Variants in CCDC32 observed in about 807,000 individuals in gnomAD.
The protein encoded by CCDC32 is coiled-coil domain-containing protein 32.
Under a neutral mutation model 20.1 loss-of-function variants are expected in CCDC32, and 9 were observed. That is an observed-to-expected ratio of 0.45 (90% CI 0.27 to 0.78). The LOEUF is 0.78. Among genes scored for constraint, CCDC32 ranks in the 30% least tolerant of loss-of-function variants. The probability of loss-of-function intolerance (pLI) is 0.16; values close to 1 mark genes in which losing one functional copy is unlikely to be tolerated. For synonymous variants in CCDC32, 63 were observed against 79.0 expected (o/e 0.80, Z 1.07); for missense variants, 204 against 215.5 (o/e 0.95, Z 0.33).
chr15:40,541,187 C>T (rs1297158313), intron 3 of CCDC32, among the ~76,000 whole-genome samples: 1 of 152,218 alleles, frequency 6.6e-6, no homozygotes, highest in Non-Finnish European at 1.5e-5. Flanking sequence ...CTGCGTGAGG[C>T]TTTTCTTAGC....
At chr15:40,551,306 C>T (rs867755468), downstream of CCDC32, among the ~76,000 whole-genome samples, 23 of 152,022 alleles carry the variant, frequency 1.5e-4, no homozygotes, top group South Asian at 1.0e-3. Context: ...GGTGTGAACC[C>T]GGGAGGCAGA....
At chr15:40,539,195 C>T (rs1263177064), downstream of CCDC32, 5 of 1,496,312 alleles carry the variant, frequency 3.3e-6, no homozygotes, top group Non-Finnish European at 4.5e-6. Context: ...AGGTCAATCC[C>T]ACATGGTTCT....
the CCDC32 span, among the ~76,000 whole-genome samples, chr15:40,522,193 A>G: frequency 8.5e-5 from 13 of 152,218 alleles, no homozygotes; most frequent in Non-Finnish European, 1.9e-4. Flanking sequence ...AGTTGTCCCA[A>G]CACCATTTGT....
At chr15:40,536,706 A>AG (rs1429725853), downstream of CCDC32, 4 of 152,304 alleles carry the variant, frequency 2.6e-5, no homozygotes, top group Non-Finnish European at 5.9e-5. Flanking sequence ...TCTCTTGGCA[A>AG]GGGCCCACTG....
intron 2 of CCDC32, among the ~76,000 whole-genome samples, chr15:40,558,864 A>G (rs191686072): frequency 6.6e-6 from 1 of 151,566 alleles, no homozygotes; most frequent in East Asian, 1.9e-4. Flanking sequence ...CAGTGGCACG[A>G]TCTCACTCAG....
At chr15:40,558,754 A>G (rs1890419166) in intron 2 of CCDC32, among the ~76,000 whole-genome samples, 1 of 152,136 alleles carries the variant, frequency 6.6e-6, no homozygotes, top group African/African-American at 2.4e-5. Flanking sequence ...TTTCCAAGCC[A>G]GTCTTCACTA....
intron 3 of CCDC32, among the ~76,000 whole-genome samples, chr15:40,555,137 A>T (rs781558910): frequency 2.6e-5 from 4 of 152,238 alleles, no homozygotes; most frequent in African/African-American, 7.2e-5. Context: ...CTGGATAATG[A>T]TAGAAAGAAA....
chr15:40,557,665 C>T (rs917688626), intron 2 of CCDC32: 9 of 262,768 alleles, frequency 3.4e-5, no homozygotes, highest in African/African-American at 1.3e-4. Context: ...ATCACGTAAG[C>T]CCAGCAGGTA....
At chr15:40,560,717 CAATA>C (rs1288771739) in intron 2 of CCDC32, among the ~76,000 whole-genome samples, 6 of 152,202 alleles carry the variant, frequency 3.9e-5, no homozygotes, top group African/African-American at 1.2e-4. Context: ...AGTCAAAAGA[CAATA>C]GATGTTGGCA....
chr15:40,547,188 A>G (rs1203081540), intron 3 of CCDC32, among the ~76,000 whole-genome samples: 1 of 151,492 alleles, frequency 6.6e-6, no homozygotes, highest in Non-Finnish European at 1.5e-5. Context: ...CCTTCAGTGC[A>G]CCCCAGGTTT....
downstream of CCDC32, chr15:40,538,561 C>G (rs1026421766): frequency 6.6e-6 from 1 of 152,274 alleles, no homozygotes; most frequent in Non-Finnish European, 1.5e-5. Flanking sequence ...TCCAAGCCCC[C>G]CTCAAATTCA....
chr15:40,559,910 A>C (rs1288493565), intron 2 of CCDC32, among the ~76,000 whole-genome samples: 1 of 152,238 alleles, frequency 6.6e-6, no homozygotes, highest in Non-Finnish European at 1.5e-5. Flanking sequence ...CTAGATCCCT[A>C]TCTCTCACCT....
downstream of CCDC32, among the ~76,000 whole-genome samples, chr15:40,548,123 A>C (rs966274594): frequency 1.3e-5 from 2 of 151,924 alleles, no homozygotes; most frequent in East Asian, 3.9e-4. Context: ...CCCTAACACT[A>C]TCTCTCCTTT....
At chr15:40,522,257 C>T in the CCDC32 span, among the ~76,000 whole-genome samples, 1 of 152,140 alleles carries the variant, frequency 6.6e-6, no homozygotes, top group Admixed American at 6.5e-5. Flanking sequence ...TGTTGAAAAT[C>T]AATTAATCAT....
chr15:40,541,341 T>C (rs1255281582), intron 3 of CCDC32, among the ~76,000 whole-genome samples: 2 of 152,028 alleles, frequency 1.3e-5, no homozygotes, highest in East Asian at 3.9e-4. Context: ...ATATTTTTTT[T>C]TTTTTTTTTG....
intron 1 of CCDC32, among the ~76,000 whole-genome samples, chr15:40,563,452 C>A (rs1380180852): frequency 1.3e-5 from 2 of 152,054 alleles, no homozygotes; most frequent in African/African-American, 2.4e-5. Flanking sequence ...ATATAAGGTA[C>A]CTGAGTAGTC....
At chr15:40,561,085 T>C (rs1214345991) in intron 2 of CCDC32, among the ~76,000 whole-genome samples, 1 of 152,182 alleles carries the variant, frequency 6.6e-6, no homozygotes, top group East Asian at 1.9e-4. Context: ...TGGAGGCCAT[T>C]ATCCTCTAAG....
chr15:40,565,010 C>CT lies in CCDC32; in HGVS notation c.-48dup. 1.7e-6 allele frequency: 1 copy of CT among 579,140 alleles called. No homozygotes were observed. Among genetic ancestry groups the CT allele is most frequent in the South Asian group, 2.2e-5 (1 of 44,658 alleles). The allele number at this position is 579,140 out of a possible 1,614,324, so 35.9% of individuals were successfully genotyped here. A position where few individuals can be genotyped will look rare whatever the true frequency, so the allele number is the denominator to read the frequency against. On this transcript the variant is annotated 5_prime_UTR_variant, in exon 1 of 4. Transcript: ENST00000416810. The stretch of plus-strand genomic sequence containing the variant: ...TGCCCAGTAAACGCTTGGCTCAGCT[C>CT]TGTCGCCTGTAGCCCGGAGGAAATC...
downstream of CCDC32, chr15:40,539,015 C>T (rs1889254558): frequency 1.8e-6 from 1 of 550,258 alleles, no homozygotes; most frequent in Non-Finnish European, 3.3e-6. Context: ...GGTTCTCTAG[C>T]TGGCTCTGAC....
Sources: allele counts gnomAD v4.1 joint callset (sites outside exome capture counted in the v4.1 genomes callset), GRCh38; gene constraint gnomAD v4.1.1; transcripts MANE v1.5; gene names NCBI Gene and HGNC (gene_info 2026-07-23, HGNC 2026-07-21).